The following ADGB variants were observed in gnomAD, a reference collection of about 807,000 sequenced individuals.
The protein encoded by ADGB is androglobin.
A neutral mutation model predicts 210.5 loss-of-function variants in ADGB; 172 were observed. The observed-to-expected ratio is 0.82, with a 90% CI of 0.72 to 0.93. ADGB has a LOEUF of 0.93. ADGB is among the 40% of genes least tolerant of loss of function. The pLI is 0.00. For synonymous variants in ADGB, 658 were observed against 662.7 expected (o/e 0.99, Z 0.11); for missense variants, 2,025 against 1,964.8 (o/e 1.03, Z -0.58).
chr6:146,784,884 C>G (rs2114647062), intron 31 of ADGB, 90 bp downstream of exon 31: 3 of 1,307,898 alleles, frequency 2.3e-6, no homozygotes, highest in East Asian at 2.6e-5. Flanking sequence ...AACCATATAG[C>G]CTGTCCTTTA....
chr6:146,731,216 C>A (rs926458696), intron 20 of ADGB, among the ~76,000 whole-genome samples: 4 of 152,136 alleles, frequency 2.6e-5, no homozygotes, highest in African/African-American at 9.7e-5. Context: ...GAGTAATATA[C>A]AAGAAATATT....
intron 22 of ADGB, among the ~76,000 whole-genome samples, chr6:146,736,190 A>T (rs903515072): frequency 6.6e-6 from 1 of 152,198 alleles, no homozygotes; most frequent in African/African-American, 2.4e-5. Flanking sequence ...CTGTCACAAA[A>T]AAAGTTTTAG....
intron 35 of ADGB, chr6:146,803,569 A>G: frequency 1.3e-6 from 2 of 1,509,538 alleles, no homozygotes; most frequent in Non-Finnish European, 1.8e-6. Context: ...GTAAGCAGCC[A>G]ACTGTTTTGG....
chr6:146,781,932 A>G (rs910717055), intron 29 of ADGB, 88 bp from the exon 30 acceptor site: 2 of 916,360 alleles, frequency 2.2e-6, no homozygotes, highest in East Asian at 3.2e-5. Flanking sequence ...GCTTAACCAT[A>G]TGTCCCTGAG....
intron 16 of ADGB, among the ~76,000 whole-genome samples, chr6:146,718,843 T>C (rs1476284807): frequency 6.6e-6 from 1 of 152,188 alleles, no homozygotes; most frequent in East Asian, 1.9e-4. Context: ...GGCTGCCTCC[T>C]CTGAAAATAA....
chr6:146,746,270 T>C (rs921619973), intron 26 of ADGB, among the ~76,000 whole-genome samples, 161 bp downstream of exon 26: 2 of 152,184 alleles, frequency 1.3e-5, no homozygotes. Context: ...ATGTGGGTGT[T>C]ACGTAAGATT....
intron 1 of ADGB, among the ~76,000 whole-genome samples, chr6:146,600,965 CAA>C (rs1780548645): frequency 7.5e-6 from 1 of 132,722 alleles, no homozygotes; most frequent in Non-Finnish European, 1.6e-5. Context: ...CACACACACA[CAA>C]ATAACTAAGT....
At chr6:146,767,154 A>G (rs2328757) in intron 28 of ADGB, among the ~76,000 whole-genome samples, 6,876 of 152,298 alleles carry the variant, frequency 0.045, 352 homozygotes, top group African/African-American at 0.12. Context: ...GTGTGTTCCT[A>G]TTAAAATTGG....
chr6:146,635,110 A>G (rs1486861163), intron 1 of ADGB, among the ~76,000 whole-genome samples: 7 of 152,040 alleles, frequency 4.6e-5, no homozygotes, highest in Non-Finnish European at 1.0e-4. Context: ...GATATTTGAT[A>G]ATACGGTATA....
intron 3 of ADGB, among the ~76,000 whole-genome samples, chr6:146,647,506 T>G (rs1272550899): frequency 1.3e-5 from 2 of 152,066 alleles, no homozygotes; most frequent in African/African-American, 4.8e-5. Flanking sequence ...TACATAATTT[T>G]TAGTAACTAC....
intron 13 of ADGB, among the ~76,000 whole-genome samples, chr6:146,711,576 A>C (rs1471683100): frequency 6.6e-6 from 1 of 152,230 alleles, no homozygotes; most frequent in African/African-American, 2.4e-5. Context: ...AGTAAAATTT[A>C]TGAGCACTTG....
chr6:146,775,232 T>C (rs1177415174), intron 29 of ADGB, among the ~76,000 whole-genome samples: 2 of 152,176 alleles, frequency 1.3e-5, no homozygotes, highest in Non-Finnish European at 2.9e-5. Flanking sequence ...TTAATTTATA[T>C]GAAAAATACA....
In ADGB at chr6:146,742,944, A is replaced by G. The variant is rs1158384890; in HGVS notation, c.3177+1673A>G. On this transcript the variant is annotated intron_variant, in intron 25 of 35. Coordinates refer to ENST00000397944, the MANE Select transcript of ADGB (RefSeq NM_024694.4). ...GTTAGTGCATTTTATGCATGGCCCA[A>G]GACAATTCTTCCACTGTGGCCCAGG... Among the ~76,000 whole-genome samples, 35 of 152,122 alleles carry G rather than the reference A, an allele frequency of 2.3e-4. 1 individual carries two copies. The highest frequency in any genetic ancestry group is 2.3e-3 in the Admixed American group (35 of 15,258).
chr6:146,723,352 A>T (rs2114574148), intron 17 of ADGB, among the ~76,000 whole-genome samples: 1 of 152,304 alleles, frequency 6.6e-6, no homozygotes, highest in South Asian at 2.1e-4. Context: ...TTATTTATCC[A>T]TTTTTAATAA....
intron 14 of ADGB, among the ~76,000 whole-genome samples, chr6:146,716,599 C>CAAAAAAAAA (rs10606792): frequency 1.5e-5 from 1 of 66,810 alleles, no homozygotes; most frequent in Non-Finnish European, 2.3e-5. Flanking sequence ...GACTCCGTCT[C>CAAAAAAAAA]AAAAAAAAAA....
Position 146,736,592 on chromosome 6 carries a change from G to A in ADGB, c.2888+1G>A. On this transcript the variant is annotated splice_donor_variant, in intron 23 of 35. Transcript: ENST00000397944. LOFTEE classifies it high-confidence loss of function. Reference sequence around the variant, plus strand: ...AACAGTATGCAGTTTCTCTCTTAAGGTAAAGCAGTCAAATGATATTTTTAT... The same window carrying A: ...AACAGTATGCAGTTTCTCTCTTAAGATAAAGCAGTCAAATGATATTTTTAT... 4 of 1,531,838 alleles carry A rather than the reference G, an allele frequency of 2.6e-6. No individual in the cohort carries two copies. The allele number at this position is 1,531,838 out of a possible 1,614,324, so 94.9% of individuals were successfully genotyped here.
chr6:146,679,985 T>C (rs1776136098), intron 9 of ADGB, among the ~76,000 whole-genome samples: 1 of 152,168 alleles, frequency 6.6e-6, no homozygotes, highest in African/African-American at 2.4e-5. Context: ...ATAGTAACTT[T>C]AAAAAATTGT....
intron 29 of ADGB, among the ~76,000 whole-genome samples, chr6:146,773,824 G>T (rs1777687496): frequency 6.6e-6 from 1 of 152,114 alleles, no homozygotes; most frequent in South Asian, 2.1e-4. Flanking sequence ...GATGGTACTG[G>T]TAGTAACTGC....
intron 29 of ADGB, among the ~76,000 whole-genome samples, chr6:146,773,231 C>T (rs952105243): frequency 1.3e-5 from 2 of 151,888 alleles, no homozygotes; most frequent in Admixed American, 1.3e-4. Flanking sequence ...AAATTACCAC[C>T]TCTCTTCAAA....
Sources: gnomAD v4.1 joint callset for allele counts (sites outside exome capture counted in the v4.1 genomes callset) on GRCh38, gnomAD v4.1.1 for gene constraint, MANE v1.5 for transcripts, NCBI Gene and HGNC (gene_info 2026-07-23, HGNC 2026-07-21) for gene names.